Variants in FAF1 observed in about 807,000 individuals in gnomAD.
FAF1 encodes Fas associated factor 1.
A neutral mutation model predicts 92.5 loss-of-function variants in FAF1; 25 were observed. That is an observed-to-expected ratio of 0.27 (90% CI 0.20 to 0.38). The LOEUF is 0.38. Among genes scored for constraint, FAF1 ranks in the 10% least tolerant of loss-of-function variants. The probability of loss-of-function intolerance (pLI) is 1.00; values close to 1 mark genes in which losing one functional copy is unlikely to be tolerated. For synonymous variants in FAF1, 234 were observed against 273.2 expected, an observed-to-expected ratio of 0.86 and a Z score of 1.42; for missense variants, 636 against 793.3, an observed-to-expected ratio of 0.80 and a Z score of 2.38.
At chr1:50,761,654 A>C (rs1660332285) in intron 4 of FAF1, among the ~76,000 whole-genome samples, 1 of 152,030 alleles carries the variant, frequency 6.6e-6, no homozygotes, top group Non-Finnish European at 1.5e-5. Flanking sequence ...CATGCTAAAA[A>C]CTCTCAATAA....
chr1:50,724,296 T>TACACATAC (rs1553132402), intron 6 of FAF1, among the ~76,000 whole-genome samples: 294 of 117,212 alleles, frequency 2.5e-3, no homozygotes, highest in Non-Finnish European at 3.6e-3. Flanking sequence ...CACACACACA[T>TACACATAC]ACACACACAC....
intron 4 of FAF1, among the ~76,000 whole-genome samples, chr1:50,764,629 T>C (rs1246828860): frequency 1.3e-5 from 2 of 152,188 alleles, no homozygotes; most frequent in Non-Finnish European, 2.9e-5. Context: ...TTCTCATGAA[T>C]CATAGGCCTA....
At chr1:50,767,688 A>G (rs537412020) in intron 4 of FAF1, among the ~76,000 whole-genome samples, 1 of 152,344 alleles carries the variant, frequency 6.6e-6, no homozygotes, top group South Asian at 2.1e-4. Flanking sequence ...AATTCTAATC[A>G]AGAGCTTCAT....
At chr1:50,767,377 G>A (rs572827014) in intron 4 of FAF1, among the ~76,000 whole-genome samples, 16 of 152,144 alleles carry the variant, frequency 1.1e-4, no homozygotes, top group Non-Finnish European at 1.9e-4. Flanking sequence ...AGCAAGCAAC[G>A]TGGAAAACAT....
intron 13 of FAF1, among the ~76,000 whole-genome samples, chr1:50,541,098 C>A (rs1048996775): frequency 6.6e-6 from 1 of 152,148 alleles, no homozygotes; most frequent in Admixed American, 6.6e-5. Flanking sequence ...TATCCAAATT[C>A]AAAACAGAAT....
intron 2 of FAF1, among the ~76,000 whole-genome samples, chr1:50,849,257 A>G (rs1170632868): frequency 1.3e-5 from 2 of 148,710 alleles, no homozygotes; most frequent in Admixed American, 6.8e-5. Flanking sequence ...ACAGAGTGAG[A>G]CTCCGTCTCA....
intron 7 of FAF1, among the ~76,000 whole-genome samples, chr1:50,683,750 C>T (rs9633419): frequency 0.88 from 134,194 of 151,854 alleles, 59,454 homozygotes; most frequent in East Asian, 0.93. Flanking sequence ...CTGACCAACA[C>T]GGAGAAACCC....
chr1:50,674,663 A>G (rs1656040925), intron 7 of FAF1, among the ~76,000 whole-genome samples: 2 of 152,162 alleles, frequency 1.3e-5, no homozygotes, highest in African/African-American at 4.8e-5. Context: ...GCATTATGAC[A>G]GTAATAAGTA....
intron 1 of FAF1, among the ~76,000 whole-genome samples, chr1:50,890,613 A>C (rs2124699791): frequency 6.6e-6 from 1 of 152,226 alleles, no homozygotes; most frequent in South Asian, 2.1e-4. Flanking sequence ...TTTCCCCTTC[A>C]CTTATGAAGC....
At chr1:50,784,363 C>T (rs1661290038) in intron 4 of FAF1, among the ~76,000 whole-genome samples, 1 of 151,550 alleles carries the variant, frequency 6.6e-6, no homozygotes, top group South Asian at 2.1e-4. Flanking sequence ...GATGCAAAAT[C>T]AACACATAAA....
intron 5 of FAF1, among the ~76,000 whole-genome samples, chr1:50,739,729 TAGGTA>T (rs1177963877): frequency 6.6e-6 from 1 of 152,162 alleles, no homozygotes; most frequent in African/African-American, 2.4e-5. Context: ...CCTGAGAGGT[TAGGTA>T]ACTTGGATGA....
At chr1:50,749,564 C>A (rs1045312053) in intron 4 of FAF1, among the ~76,000 whole-genome samples, 1 of 152,166 alleles carries the variant, frequency 6.6e-6, no homozygotes, top group Non-Finnish European at 1.5e-5. Flanking sequence ...GGTAGAAGGA[C>A]AGCTTGAGCT....
chr1:50,460,722 C>T (rs1363493831), intron 18 of FAF1, among the ~76,000 whole-genome samples: 2 of 151,590 alleles, frequency 1.3e-5, no homozygotes, highest in African/African-American at 4.9e-5. Flanking sequence ...TAGCCTCAAC[C>T]TCCCAGACTG....
chr1:50,794,278 T>C (rs1415700373), intron 3 of FAF1, among the ~76,000 whole-genome samples: 4 of 152,110 alleles, frequency 2.6e-5, no homozygotes, highest in Non-Finnish European at 4.4e-5. Context: ...AAAAAAAAAT[T>C]TGGACTGGGA....
At chr1:50,825,122 A>C (rs887947139) in intron 2 of FAF1, among the ~76,000 whole-genome samples, 1 of 152,140 alleles carries the variant, frequency 6.6e-6, no homozygotes, top group Non-Finnish European at 1.5e-5. Context: ...CTCCCAACAC[A>C]AAGAAATGAT....
At chr1:50,532,354 G>T (rs905328189) in intron 15 of FAF1, among the ~76,000 whole-genome samples, 2 of 152,032 alleles carry the variant, frequency 1.3e-5, no homozygotes, top group Non-Finnish European at 2.9e-5. Context: ...AAAATGAACT[G>T]GGAATAAGCA....
intron 8 of FAF1, among the ~76,000 whole-genome samples, chr1:50,620,324 G>A (rs557948751): frequency 3.5e-4 from 53 of 152,322 alleles, no homozygotes; most frequent in African/African-American, 1.2e-3. Flanking sequence ...TGAGCTCTGA[G>A]AGTCTTTCCT....
intron 8 of FAF1, among the ~76,000 whole-genome samples, chr1:50,625,307 T>C (rs1385754329): frequency 6.6e-6 from 1 of 152,204 alleles, no homozygotes; most frequent in Non-Finnish European, 1.5e-5. Flanking sequence ...TCATTTCTTC[T>C]GGGCATTCTT....
At chr1:50,685,064 G>A (rs1337642833) in intron 7 of FAF1, among the ~76,000 whole-genome samples, 1 of 152,202 alleles carries the variant, frequency 6.6e-6, no homozygotes, top group African/African-American at 2.4e-5. Flanking sequence ...GGATGTGTCA[G>A]CTGAGTGTAG....
Sources: allele counts gnomAD v4.1 joint callset (sites outside exome capture counted in the v4.1 genomes callset), GRCh38; gene constraint gnomAD v4.1.1; transcripts MANE v1.5; gene names NCBI Gene and HGNC (gene_info 2026-07-23, HGNC 2026-07-21).